SLC35G1: variants seen among roughly 807,000 people sequenced by gnomAD.
The protein encoded by SLC35G1 is solute carrier family 35 member G1.
In SLC35G1, 10 loss-of-function variants were observed where a neutral mutation model predicts 17.1. The ratio of observed to expected loss-of-function variants is 0.59; its 90% confidence interval spans 0.36 to 0.99. The LOEUF (loss-of-function observed/expected upper bound fraction) is 0.99. SLC35G1 is among the 50% of genes least tolerant of loss of function. SLC35G1 has a pLI of 0.01. For missense variants in SLC35G1, 433 were observed against 468.4 expected, an observed-to-expected ratio of 0.92 and a Z score of 0.70; for synonymous variants, 185 against 181.1, an observed-to-expected ratio of 1.02 and a Z score of -0.18.
chr10:93,899,705 G>A (rs1385711517), intron 2 of SLC35G1, among the ~76,000 whole-genome samples: 1 of 152,142 alleles, frequency 6.6e-6, no homozygotes, highest in Non-Finnish European at 1.5e-5. Flanking sequence ...GCTAATACCT[G>A]CAAATTTCTG....
chr10:93,895,339 T>C (rs2060319753), intron 1 of SLC35G1, among the ~76,000 whole-genome samples: 2 of 152,230 alleles, frequency 1.3e-5, no homozygotes, highest in Admixed American at 6.5e-5. Flanking sequence ...CTGGTGCCTC[T>C]AGAACAGGGG....
At chr10:93,899,103 G>T (rs569275844) in intron 2 of SLC35G1, among the ~76,000 whole-genome samples, 1 of 152,282 alleles carries the variant, frequency 6.6e-6, no homozygotes, top group South Asian at 2.1e-4. Context: ...AAGTAATAGT[G>T]TATCCTAGTA....
chr10:93,907,467 A>C (rs775566053), downstream of SLC35G1: 1 of 152,220 alleles, frequency 6.6e-6, no homozygotes, highest in Non-Finnish European at 1.5e-5. Flanking sequence ...ATGTCCCTCA[A>C]TAGAGTACTG....
At chr10:93,894,344 A>G in intron 1 of SLC35G1, 133 bp downstream of exon 1, 2 of 894,168 alleles carry the variant, frequency 2.2e-6, no homozygotes, top group South Asian at 2.9e-5. Context: ...GGCTCGGGAA[A>G]CCCCTCGAGC....
chr10:93,896,757 A>G (rs1376054765), intron 1 of SLC35G1, among the ~76,000 whole-genome samples: 1 of 152,218 alleles, frequency 6.6e-6, no homozygotes, highest in Admixed American at 6.5e-5. Context: ...GTGCAATTAC[A>G]TTTTTAAAGA....
At chr10:93,896,313 TA>T (rs946398869) in intron 1 of SLC35G1, among the ~76,000 whole-genome samples, 2 of 152,172 alleles carry the variant, frequency 1.3e-5, no homozygotes, top group African/African-American at 4.8e-5. Context: ...TTTTAAGTGT[TA>T]CTCAGGTGAT....
rs1417629842 is a variant in SLC35G1 at position 93,902,455 on chromosome 10, A to C, written c.*965A>C. 1 of 152,578 alleles carries C rather than the reference A, an allele frequency of 6.6e-6. No homozygotes were observed. The highest frequency in any genetic ancestry group is 1.5e-5 in the Non-Finnish European group (1 of 68,026). The allele number at this position is 152,578 out of a possible 1,614,324, so 9.5% of individuals were successfully genotyped here. On this transcript the variant is annotated 3_prime_UTR_variant, in exon 3 of 3. Coordinates refer to ENST00000427197, the MANE Select transcript of SLC35G1 (RefSeq NM_001134658.3). ...GATCTTATTAGGTTGAACCATATGT[A>C]ATTGCCAAGATTTTACTATTTTAAC...
At chr10:93,907,352 A>G (rs1289753656), downstream of SLC35G1, 3 of 152,212 alleles carry the variant, frequency 2.0e-5, no homozygotes, top group South Asian at 6.2e-4. Flanking sequence ...ACTTCTAGGA[A>G]GGGCAATTTG....
At chr10:93,905,593 T>A (rs1382723115), downstream of SLC35G1, among the ~76,000 whole-genome samples, 1 of 152,052 alleles carries the variant, frequency 6.6e-6, no homozygotes, top group African/African-American at 2.4e-5. Flanking sequence ...GGGGTGGGCT[T>A]TATAGCAAGA....
At chr10:93,909,820 C>T (rs572749759) in exon 3 of SLC35G1, 1 of 152,248 alleles carries the variant, frequency 6.6e-6, no homozygotes, top group African/African-American at 2.4e-5. Flanking sequence ...AAATTTGTAT[C>T]GTTTCACAAA....
chr10:93,902,934 A>G lies in SLC35G1; in HGVS notation c.*1444A>G, dbSNP rs1304479241. ...TATACATAAATGGTTACTTGTTGTA[A>G]TGAGCCCTTTATTGGTGAGGTTGCA... On this transcript the variant is annotated 3_prime_UTR_variant, in exon 3 of 3. Coordinates refer to ENST00000427197, the MANE Select transcript of SLC35G1 (RefSeq NM_001134658.3). The G allele has an allele frequency of 6.6e-6, 1 of 152,282 alleles. No homozygotes were observed. Among genetic ancestry groups the G allele is most frequent in the Non-Finnish European group, 1.5e-5 (1 of 68,026 alleles). The allele number at this position is 152,282 out of a possible 1,614,324, so 9.4% of individuals were successfully genotyped here.
At position 93,903,209 on chromosome 10, in the gene SLC35G1, T is replaced by G. The variant is rs553598111; in HGVS notation, c.*1719T>G. The G allele has an allele frequency of 5.9e-5, 9 of 152,298 alleles. No homozygotes were observed. The East Asian group carries it at 1.7e-3, about 29-fold the overall frequency. The allele number at this position is 152,298 out of a possible 1,614,324, so 9.4% of individuals were successfully genotyped here. ...AAACCCTAAATGAAGTCTATGTAGGTGAGTCATCTCTGTTCCACCTGATTT... is the reference window on the plus strand; with the variant it reads ...AAACCCTAAATGAAGTCTATGTAGGGGAGTCATCTCTGTTCCACCTGATTT... On this transcript the variant is annotated 3_prime_UTR_variant, in exon 3 of 3. Coordinates refer to ENST00000427197, the MANE Select transcript of SLC35G1 (RefSeq NM_001134658.3).
intron 2 of SLC35G1, 50 bp downstream of exon 2, chr10:93,898,801 A>T (rs755890918): frequency 8.5e-6 from 13 of 1,525,578 alleles, no homozygotes; most frequent in Non-Finnish European, 1.1e-5. Flanking sequence ...ATGTGTGTAT[A>T]TCTTTTCACC....
chr10:93,909,671 C>A (rs2060448547), exon 3 of SLC35G1: 1 of 152,044 alleles, frequency 6.6e-6, no homozygotes, highest in East Asian at 1.9e-4. Context: ...AATCAGCACT[C>A]CTTGTTCTTT....
In SLC35G1 at chr10:93,900,965, G is replaced by C; in HGVS notation, c.573G>C (p.Val191=). ...GCCCTTGGGATGCTCTTTTCACCGT[G>C]TTCACAATCACTGGAGTGATCCTTA... The part of the protein sequence containing the change: ...KYSPWDALFT[V]FTITGVILIV... The change falls in exon 3 of 3, where the codon GTG becomes GTC. Residue 191 remains valine, a synonymous_variant. Transcript: ENST00000427197. The C allele has an allele frequency of 6.2e-7, 1 of 1,614,026 alleles. No homozygotes were observed. The highest frequency in any genetic ancestry group is 8.5e-7 in the Non-Finnish European group (1 of 1,179,986).
Position 93,901,349 on chromosome 10 carries a change from A to G in SLC35G1, c.957A>G (p.Thr319=), listed in dbSNP as rs200718969. ...EKAGPVAIMK[T]MDVVFAFIFQ... is the part of the protein sequence containing the mutation. ...CAGGGCCAGTAGCAATAATGAAGAC[A>G]ATGGATGTGGTCTTTGCTTTTATCT... The change falls in exon 3 of 3, where the codon ACA becomes ACG. Residue 319 remains threonine (T), a synonymous_variant. Transcript: ENST00000427197. The G allele has an allele frequency of 1.4e-4, 220 of 1,614,050 alleles. 3 individuals carry two copies. In the East Asian group the frequency reaches 4.8e-3, roughly 35 times the overall value.
At chr10:93,906,614 A>G (rs940740965), downstream of SLC35G1, among the ~76,000 whole-genome samples, 1 of 152,254 alleles carries the variant, frequency 6.6e-6, no homozygotes, top group Non-Finnish European at 1.5e-5. Context: ...TCACAATTAC[A>G]TAAAGCAAAA....
chr10:93,908,129 C>T (rs1285124289), downstream of SLC35G1: 1 of 152,182 alleles, frequency 6.6e-6, no homozygotes, highest in Non-Finnish European at 1.5e-5. Flanking sequence ...CCTCCAAGAT[C>T]CTAGAAAGCG....
intron 2 of SLC35G1, among the ~76,000 whole-genome samples, 181 bp from the exon 3 acceptor site, chr10:93,900,571 T>A (rs1361107864): frequency 1.3e-5 from 2 of 152,170 alleles, no homozygotes; most frequent in Non-Finnish European, 2.9e-5. Flanking sequence ...TGTCATTAAC[T>A]ATACTTAGAA....
Sources: gnomAD v4.1 joint callset for allele counts (sites outside exome capture counted in the v4.1 genomes callset) on GRCh38, gnomAD v4.1.1 for gene constraint, MANE v1.5 for transcripts, NCBI Gene and HGNC (gene_info 2026-07-23, HGNC 2026-07-21) for gene names.